Variants in CSMD1 observed in about 807,000 individuals in gnomAD.
The protein encoded by CSMD1 is CUB and Sushi multiple domains 1.
CSMD1 carries 213 observed loss-of-function variants against 417.5 expected under a neutral mutation model. The observed-to-expected ratio is 0.51, with a 90% CI of 0.46 to 0.57. CSMD1 has a LOEUF of 0.57. Ranked by LOEUF, CSMD1 falls within the 20% of genes least tolerant of loss-of-function variation. The pLI, the probability that CSMD1 is intolerant of heterozygous loss-of-function variation, is 0.00. For missense variants in CSMD1, 6,923 were observed against 4,529.7 expected, an observed-to-expected ratio of 1.53 and a Z score of -15.17; for synonymous variants, 2,862 against 1,736.8, an observed-to-expected ratio of 1.65 and a Z score of -16.11.
intron 1 of CSMD1, among the ~76,000 whole-genome samples, chr8:4,875,766 G>C (rs1803004768): frequency 6.6e-6 from 1 of 151,990 alleles, no homozygotes; most frequent in Admixed American, 6.6e-5. Flanking sequence ...CTTAAATTCA[G>C]AGGATAGGGA....
At chr8:4,592,315 G>A (rs1377787653) in intron 2 of CSMD1, among the ~76,000 whole-genome samples, 1 of 151,642 alleles carries the variant, frequency 6.6e-6, no homozygotes, top group African/African-American at 2.4e-5. Context: ...TAATTGGAAT[G>A]CTTTTAAATT....
At position 3,045,605 on chromosome 8, in the gene CSMD1, C is replaced by T. The variant is rs151119225; in HGVS notation, c.7660+6857G>A. On this transcript the variant is annotated intron_variant, in intron 50 of 69. Transcript: ENST00000635120. ...ACCCCATCACCTACTTAATACTTCT[C>T]AGAATAAACCACATGCAATGTTAAA... 2.0e-5 allele frequency among the ~76,000 whole-genome samples: 3 copies of T among 152,144 alleles called. No individual in the cohort carries two copies. In the East Asian group the frequency reaches 5.8e-4, roughly 29 times the overall value.
intron 7 of CSMD1, among the ~76,000 whole-genome samples, chr8:3,643,043 A>C (rs913063143): frequency 6.6e-6 from 1 of 152,140 alleles, no homozygotes. Flanking sequence ...AGGAGGAAAA[A>C]ATCCTGTGCA....
intron 7 of CSMD1, among the ~76,000 whole-genome samples, chr8:3,629,728 A>G (rs1411983710): frequency 8.1e-5 from 8 of 98,556 alleles, no homozygotes; most frequent in Non-Finnish European, 1.8e-4. Flanking sequence ...AATAAAGGTA[A>G]AACACTATAT....
chr8:4,827,768 A>T (rs1799922093), intron 1 of CSMD1, among the ~76,000 whole-genome samples: 1 of 152,188 alleles, frequency 6.6e-6, no homozygotes, highest in Non-Finnish European at 1.5e-5. Flanking sequence ...GGATTTCATT[A>T]AAGATTGAAA....
intron 37 of CSMD1, among the ~76,000 whole-genome samples, chr8:3,165,371 C>T (rs1471721767): frequency 6.6e-6 from 1 of 152,090 alleles, no homozygotes; most frequent in Non-Finnish European, 1.5e-5. Context: ...GCTTGCAACA[C>T]TAGGAGTAAT....
intron 5 of CSMD1, among the ~76,000 whole-genome samples, chr8:3,890,145 A>G (rs1806859837): frequency 6.6e-6 from 1 of 152,162 alleles, no homozygotes; most frequent in Non-Finnish European, 1.5e-5. Context: ...GGGTGTATGG[A>G]CTAGTGCTTC....
At chr8:4,957,371 A>T (rs1053388903) in intron 1 of CSMD1, among the ~76,000 whole-genome samples, 3 of 152,192 alleles carry the variant, frequency 2.0e-5, no homozygotes, top group Non-Finnish European at 4.4e-5. Context: ...GTGAAAAATT[A>T]TGTTCAAAAA....
At chr8:3,511,882 T>G (rs1279421769) in intron 10 of CSMD1, among the ~76,000 whole-genome samples, 1 of 147,406 alleles carries the variant, frequency 6.8e-6, no homozygotes, top group East Asian at 2.0e-4. Flanking sequence ...GCCACAGAAT[T>G]TGCGTTTTTG....
chr8:3,024,698 G>C (rs1410345805), intron 51 of CSMD1, among the ~76,000 whole-genome samples: 3 of 152,188 alleles, frequency 2.0e-5, no homozygotes, highest in Admixed American at 6.5e-5. Flanking sequence ...CACATTGCCT[G>C]TGTTTTCTCT....
At chr8:4,405,330 T>G (rs1240319076) in intron 3 of CSMD1, among the ~76,000 whole-genome samples, 1 of 152,226 alleles carries the variant, frequency 6.6e-6, no homozygotes, top group East Asian at 1.9e-4. Context: ...TCTCATTTTT[T>G]TTTTCTTCTC....
At chr8:4,955,983 C>T (rs369021610) in intron 1 of CSMD1, among the ~76,000 whole-genome samples, 29 of 152,326 alleles carry the variant, frequency 1.9e-4, no homozygotes, top group African/African-American at 6.7e-4. Flanking sequence ...CTGTGATTTT[C>T]AGTATCTGAA....
chr8:4,578,303 T>G (rs1030736921), intron 2 of CSMD1, among the ~76,000 whole-genome samples: 2 of 147,288 alleles, frequency 1.4e-5, no homozygotes, highest in African/African-American at 5.1e-5. Context: ...GTAGCTGGGA[T>G]TACAGGCACC....
At chr8:4,108,471 C>A (rs1038901068) in intron 3 of CSMD1, among the ~76,000 whole-genome samples, 5 of 152,148 alleles carry the variant, frequency 3.3e-5, no homozygotes, top group Admixed American at 6.6e-5. Flanking sequence ...TTAAAAGCAT[C>A]AGATTTAGTG....
At chr8:3,548,180 C>G (rs114827423) in intron 10 of CSMD1, among the ~76,000 whole-genome samples, 1,759 of 152,202 alleles carry the variant, frequency 0.012, 40 homozygotes, top group African/African-American at 0.04. Flanking sequence ...GTTCCTGCAA[C>G]CTAGGATTCC....
chr8:4,198,194 G>C (rs999277278), intron 3 of CSMD1, among the ~76,000 whole-genome samples: 4 of 152,180 alleles, frequency 2.6e-5, no homozygotes, highest in Admixed American at 2.0e-4. Context: ...TCCAAGCAGA[G>C]AGTCCAAGGT....
intron 1 of CSMD1, among the ~76,000 whole-genome samples, chr8:4,890,038 G>A (rs895555553): frequency 6.6e-6 from 1 of 152,128 alleles, no homozygotes; most frequent in East Asian, 1.9e-4. Context: ...AGGTTCTTGA[G>A]GTGAAAGGTA....
At chr8:4,889,948 T>C (rs574228427) in intron 1 of CSMD1, among the ~76,000 whole-genome samples, 1 of 152,108 alleles carries the variant, frequency 6.6e-6, no homozygotes, top group South Asian at 2.1e-4. Context: ...AGCCAGAATG[T>C]ATGACCTTTC....
At chr8:3,571,029 T>C (rs1390387331) in intron 10 of CSMD1, among the ~76,000 whole-genome samples, 1 of 152,248 alleles carries the variant, frequency 6.6e-6, no homozygotes, top group Non-Finnish European at 1.5e-5. Flanking sequence ...TAAATGAATT[T>C]GGAAAGTGGA....
Sources: allele counts gnomAD v4.1 joint callset (sites outside exome capture counted in the v4.1 genomes callset), GRCh38; gene constraint gnomAD v4.1.1; transcripts MANE v1.5; gene names NCBI Gene and HGNC (gene_info 2026-07-23, HGNC 2026-07-21).